Variants in GDPD5 observed in about 807,000 individuals in gnomAD.
GDPD5 encodes the protein glycerophosphodiester phosphodiesterase 2.
Under a neutral mutation model 75.1 loss-of-function variants are expected in GDPD5, and 48 were observed. The ratio of observed to expected loss-of-function variants is 0.64; its 90% CI spans 0.51 to 0.81. The LOEUF is 0.81. GDPD5 is among the 40% of genes least tolerant of loss of function. GDPD5 has a pLI of 0.00. For synonymous variants in GDPD5, 336 were observed against 339.0 expected (o/e 0.99, Z 0.10); for missense variants, 706 against 822.6 (o/e 0.86, Z 1.73).
At chr11:75,524,696 C>T (rs1466967987) in intron 1 of GDPD5, among the ~76,000 whole-genome samples, 2 of 152,216 alleles carry the variant, frequency 1.3e-5, no homozygotes, top group Non-Finnish European at 2.9e-5. Context: ...GGAGCTGCTG[C>T]TCTCACATCC....
chr11:75,503,821 T>C (rs1482633684), intron 1 of GDPD5, among the ~76,000 whole-genome samples: 1 of 152,176 alleles, frequency 6.6e-6, no homozygotes, highest in Non-Finnish European at 1.5e-5. Context: ...GCCATTGGCC[T>C]CCACCCACTA....
chr11:75,439,415 G>A (rs565045089), intron 15 of GDPD5: 46 of 454,374 alleles, frequency 1.0e-4, no homozygotes, highest in Middle Eastern at 3.5e-4. Context: ...GACATGCGCC[G>A]ATCAGAGCAG....
chr11:75,524,698 C>G (rs982149948), intron 1 of GDPD5, among the ~76,000 whole-genome samples: 3 of 152,214 alleles, frequency 2.0e-5, no homozygotes, highest in Admixed American at 6.5e-5. Context: ...AGCTGCTGCT[C>G]TCACATCCTG....
intron 9 of GDPD5, among the ~76,000 whole-genome samples, chr11:75,445,591 C>T (rs1055798437): frequency 4.6e-5 from 7 of 152,192 alleles, no homozygotes; most frequent in Non-Finnish European, 8.8e-5. Context: ...ACCCCCGATC[C>T]CCCTGCCCTG....
chr11:75,488,142 C>A, intron 2 of GDPD5, among the ~76,000 whole-genome samples: 1 of 152,066 alleles, frequency 6.6e-6, no homozygotes, highest in East Asian at 1.9e-4. Flanking sequence ...GGCCTCTCCC[C>A]TCCCTGGAGG....
At position 75,465,724 on chromosome 11, in the gene GDPD5, G is replaced by A. The variant is rs377710234; in HGVS notation, c.118-2835C>T. ...AGTGTTAGATGGCTGTCTGTCCACA[G>A]AGACCACTTTGCCTCCTCAGGGGCA... On this transcript the variant is annotated intron_variant, in intron 3 of 16. Transcript: ENST00000336898. 1.3e-4 allele frequency among the ~76,000 whole-genome samples: 20 copies of A among 152,334 alleles called. 1 individual carries two copies. The East Asian group carries it at 1.4e-3, about 10-fold the overall frequency.
chr11:75,500,415 C>A (rs1318659696), intron 1 of GDPD5, among the ~76,000 whole-genome samples: 1 of 152,194 alleles, frequency 6.6e-6, no homozygotes, highest in Non-Finnish European at 1.5e-5. Flanking sequence ...TGGGTAAATC[C>A]ATGGGGCACT....
chr11:75,435,741 A>G, intron 16 of GDPD5, 86 bp from the exon 17 acceptor site: 1 of 1,385,714 alleles, frequency 7.2e-7, no homozygotes, highest in South Asian at 1.5e-5. Context: ...AGGCTGCACC[A>G]CCCAGCGGGG....
rs1370490572 is a variant in GDPD5, at chr11:75,435,626, C to A, written c.1699G>T (p.Val567Leu). ...EISDGVEVSD[V>L]LSVCSDNSYD... is the part of the protein sequence containing the mutation. ...CTGTTGTCTGAACATACGGAGAGCACATCGGAGACCTCTACACCATCGCTG... is the reference window on the plus strand; with the variant it reads ...CTGTTGTCTGAACATACGGAGAGCAAATCGGAGACCTCTACACCATCGCTG... Residue 567 changes from valine to leucine, a missense_variant, in exon 17 of 17, where the codon GTG becomes TTG. Coordinates refer to ENST00000336898, the MANE Select transcript of GDPD5 (RefSeq NM_030792.8). The A allele has an allele frequency of 6.2e-7, 1 of 1,613,156 alleles. No individual in the cohort carries two copies. Among genetic ancestry groups the A allele is most frequent in the South Asian group, 1.1e-5 (1 of 90,980 alleles).
intron 4 of GDPD5, 79 bp downstream of exon 4, chr11:75,462,707 C>G (rs994700501): frequency 8.9e-7 from 1 of 1,122,884 alleles, no homozygotes; most frequent in Admixed American, 2.0e-5. Flanking sequence ...GAGACAGGCT[C>G]TAACTCCAGC....
At chr11:75,496,498 G>C (rs141493192) in intron 1 of GDPD5, among the ~76,000 whole-genome samples, 1 of 152,344 alleles carries the variant, frequency 6.6e-6, no homozygotes, top group African/African-American at 2.4e-5. Flanking sequence ...GACCTGCCCA[G>C]ATCCCCTCTT....
intron 9 of GDPD5, chr11:75,448,593 ACT>A: frequency 9.9e-7 from 1 of 1,011,166 alleles, no homozygotes. Context: ...AGCCGTACTC[ACT>A]GTCACAGTGG....
At chr11:75,468,280 C>A (rs61897382) in intron 3 of GDPD5, among the ~76,000 whole-genome samples, 1 of 152,216 alleles carries the variant, frequency 6.6e-6, no homozygotes, top group African/African-American at 2.4e-5. Flanking sequence ...ATTTCAGAAT[C>A]GCAGAGCTCC....
At chr11:75,519,984 G>A (rs911076771) in intron 1 of GDPD5, among the ~76,000 whole-genome samples, 5 of 152,168 alleles carry the variant, frequency 3.3e-5, no homozygotes, top group African/African-American at 1.2e-4. Flanking sequence ...TTTCTTCTGC[G>A]TAGGCCTGAG....
In GDPD5 at chr11:75,519,708, C is replaced by A. The variant is rs1592171956; in HGVS notation, c.-145+5502G>T. On this transcript the variant is annotated intron_variant, in intron 1 of 16. Coordinates refer to ENST00000336898, the MANE Select transcript of GDPD5 (RefSeq NM_030792.8). ...AATCACTTGCCCAAGTCATTTAGCC[C>A]TACCCTGTGCCACCAGCCACAGATA... 2.0e-5 allele frequency among the ~76,000 whole-genome samples: 3 copies of A among 152,316 alleles called. No individual in the cohort carries two copies. In the South Asian group the frequency reaches 6.2e-4, roughly 32 times the overall value.
At chr11:75,455,669 T>A (rs1035014320) in intron 6 of GDPD5, among the ~76,000 whole-genome samples, 4 of 152,148 alleles carry the variant, frequency 2.6e-5, no homozygotes, top group Non-Finnish European at 5.9e-5. Flanking sequence ...CTTTCCTAAA[T>A]GGCAGGCCCA....
chr11:75,494,436 C>A (rs1157912515), intron 1 of GDPD5, among the ~76,000 whole-genome samples: 2 of 151,680 alleles, frequency 1.3e-5, no homozygotes, highest in Non-Finnish European at 2.9e-5. Context: ...AGGCTGGTCT[C>A]GAACTCCTGA....
rs1250113414 is a variant in GDPD5 at position 75,525,707 on chromosome 11, G to T, written c.-642C>A. The T allele has an allele frequency of 4.0e-5, 6 of 150,986 alleles. No homozygotes were observed. Among genetic ancestry groups the T allele is most frequent in the Non-Finnish European group, 5.9e-5 (4 of 67,602 alleles). The allele number at this position is 150,986 out of a possible 1,614,324, so 9.4% of individuals were successfully genotyped here. On this transcript the variant is annotated 5_prime_UTR_variant, in exon 1 of 17. Coordinates refer to ENST00000336898, the MANE Select transcript of GDPD5 (RefSeq NM_030792.8). ...GGACGGGCAGGGCAGGGCAGGCGCC[G>T]GCGGGGAGGCGCGGCGGCCGGAGCC...
At chr11:75,480,615 A>T (rs1949891120) in intron 2 of GDPD5, among the ~76,000 whole-genome samples, 1 of 152,148 alleles carries the variant, frequency 6.6e-6, no homozygotes, top group African/African-American at 2.4e-5. Context: ...TCCCCATTTT[A>T]TAGATGAGAA....
Sources: allele counts gnomAD v4.1 joint callset (sites outside exome capture counted in the v4.1 genomes callset), GRCh38; gene constraint gnomAD v4.1.1; transcripts MANE v1.5; gene names NCBI Gene and HGNC (gene_info 2026-07-23, HGNC 2026-07-21).